Variants in AGBL1 observed in about 807,000 individuals in gnomAD.
The protein encoded by AGBL1 is AGBL carboxypeptidase 1, also known as cytosolic carboxypeptidase 4.
In AGBL1, 130 loss-of-function variants were observed where a neutral mutation model predicts 118.9. That is an observed-to-expected ratio of 1.09 (90% CI 0.95 to 1.26). The LOEUF is 1.26. Ranked by LOEUF, AGBL1 falls within the 50% of genes most tolerant of loss-of-function variation. The probability of loss-of-function intolerance (pLI) is 0.00; values close to 1 mark genes in which losing one functional copy is unlikely to be tolerated. For synonymous variants in AGBL1, 555 were observed against 478.9 expected, an observed-to-expected ratio of 1.16 and a Z score of -2.08; for missense variants, 1,584 against 1,298.1, an observed-to-expected ratio of 1.22 and a Z score of -3.38.
chr15:86,569,826 T>C (rs2083976416), intron 21 of AGBL1, among the ~76,000 whole-genome samples: 1 of 152,224 alleles, frequency 6.6e-6, no homozygotes, highest in Non-Finnish European at 1.5e-5. Context: ...TTGTTCCTTC[T>C]ATGAAAAATA....
chr15:86,410,534 C>T (rs919384129), intron 18 of AGBL1, among the ~76,000 whole-genome samples: 1 of 151,732 alleles, frequency 6.6e-6, no homozygotes, highest in African/African-American at 2.4e-5. Flanking sequence ...TAAGCCCTAA[C>T]CACTGCACCT....
chr15:86,812,142 T>C (rs936753104), intron 22 of AGBL1, among the ~76,000 whole-genome samples: 7 of 152,290 alleles, frequency 4.6e-5, no homozygotes, highest in South Asian at 4.1e-4. Context: ...AGTATGACAA[T>C]GTGTGCGCTT....
intron 22 of AGBL1, among the ~76,000 whole-genome samples, chr15:86,702,608 C>T (rs1009004450): frequency 2.0e-5 from 3 of 152,128 alleles, no homozygotes; most frequent in African/African-American, 7.2e-5. Context: ...GCTGCCAAAT[C>T]CACTTCCTTC....
chr15:86,342,646 C>A (rs939699932), intron 17 of AGBL1, among the ~76,000 whole-genome samples: 1 of 152,124 alleles, frequency 6.6e-6, no homozygotes, highest in Non-Finnish European at 1.5e-5. Context: ...GTCAGAAAGA[C>A]CTGACTTTAG....
At chr15:86,906,673 CTGAT>C (rs1188997174) in intron 22 of AGBL1, among the ~76,000 whole-genome samples, 1 of 152,174 alleles carries the variant, frequency 6.6e-6, no homozygotes, top group Admixed American at 6.5e-5. Context: ...ATGACCTTCT[CTGAT>C]TGTTCACTTA....
intron 1 of AGBL1, among the ~76,000 whole-genome samples, chr15:86,127,609 T>A (rs1283578608): frequency 6.6e-6 from 1 of 152,214 alleles, no homozygotes; most frequent in Non-Finnish European, 1.5e-5. Flanking sequence ...AGGAGAAAAT[T>A]CTATTATGGC....
intron 18 of AGBL1, among the ~76,000 whole-genome samples, chr15:86,450,362 T>G (rs1211730599): frequency 1.3e-5 from 2 of 152,212 alleles, no homozygotes; most frequent in African/African-American, 4.8e-5. Context: ...GGGACATACA[T>G]ATTTTTATAA....
intron 18 of AGBL1, among the ~76,000 whole-genome samples, chr15:86,454,968 TG>T (rs2142075487): frequency 6.6e-6 from 1 of 152,274 alleles, no homozygotes; most frequent in South Asian, 2.1e-4. Flanking sequence ...AAATCTTCAG[TG>T]GTCAAGCCGT....
chr15:86,598,342 C>T (rs2084440954), intron 21 of AGBL1, among the ~76,000 whole-genome samples: 1 of 152,102 alleles, frequency 6.6e-6, no homozygotes, highest in Admixed American at 6.6e-5. Context: ...ATGCTTTGGA[C>T]CCAAGAACGC....
intron 21 of AGBL1, among the ~76,000 whole-genome samples, chr15:86,628,074 A>G (rs1328202938): frequency 6.6e-6 from 1 of 152,180 alleles, no homozygotes; most frequent in Non-Finnish European, 1.5e-5. Context: ...CTTTCCAAAT[A>G]GTTCTGGGGA....
At chr15:86,680,939 C>G (rs915611423) in intron 22 of AGBL1, among the ~76,000 whole-genome samples, 1 of 152,126 alleles carries the variant, frequency 6.6e-6, no homozygotes, top group Non-Finnish European at 1.5e-5. Flanking sequence ...TATTTCTCTA[C>G]TACATCAAAA....
At chr15:86,323,297 G>T (rs1192236983) in intron 17 of AGBL1, among the ~76,000 whole-genome samples, 5 of 151,850 alleles carry the variant, frequency 3.3e-5, no homozygotes, top group Non-Finnish European at 5.9e-5. Context: ...TCTTAGGGTG[G>T]CTGTGGGGAT....
chr15:86,739,306 G>T (rs1206815880), intron 22 of AGBL1, among the ~76,000 whole-genome samples: 1 of 152,016 alleles, frequency 6.6e-6, no homozygotes, highest in Non-Finnish European at 1.5e-5. Flanking sequence ...AGCCGGGCTT[G>T]GTGGCACATG....
intron 22 of AGBL1, among the ~76,000 whole-genome samples, chr15:86,810,364 G>GA (rs1214564348): frequency 1.3e-5 from 2 of 152,100 alleles, no homozygotes; most frequent in Non-Finnish European, 2.9e-5. Context: ...TCTATAGGGA[G>GA]AATGACCCTT....
At chr15:86,985,892 CAA>C (rs1567273077) in intron 23 of AGBL1, among the ~76,000 whole-genome samples, 1 of 151,558 alleles carries the variant, frequency 6.6e-6, no homozygotes, top group African/African-American at 2.4e-5. Context: ...TGTGAATTGT[CAA>C]AGTTTATTTT....
chr15:86,996,268 G>C (rs1021448980), intron 24 of AGBL1, among the ~76,000 whole-genome samples: 1 of 152,144 alleles, frequency 6.6e-6, no homozygotes, highest in African/African-American at 2.4e-5. Context: ...CCCAGATCAA[G>C]CAGCAGATTC....
chr15:86,607,544 G>A (rs1227633641), intron 21 of AGBL1, among the ~76,000 whole-genome samples: 1 of 152,166 alleles, frequency 6.6e-6, no homozygotes, highest in African/African-American at 2.4e-5. Context: ...CAGCAGCAAT[G>A]AGTGAGAGTT....
intron 21 of AGBL1, among the ~76,000 whole-genome samples, chr15:86,665,038 A>G (rs2085618574): frequency 6.6e-6 from 1 of 152,154 alleles, no homozygotes; most frequent in Admixed American, 6.6e-5. Context: ...TTGTGCCCAT[A>G]TAGCATTACA....
At chr15:86,748,063 C>T (rs1379464448) in intron 22 of AGBL1, among the ~76,000 whole-genome samples, 1 of 152,170 alleles carries the variant, frequency 6.6e-6, no homozygotes, top group Non-Finnish European at 1.5e-5. Context: ...CACTGTCTTC[C>T]ATCATGGTTG....
Sources: gnomAD v4.1 joint callset for allele counts (sites outside exome capture counted in the v4.1 genomes callset) on GRCh38, gnomAD v4.1.1 for gene constraint, MANE v1.5 for transcripts, NCBI Gene and HGNC (gene_info 2026-07-23, HGNC 2026-07-21) for gene names.